CCM2: variants seen among roughly 807,000 people sequenced by gnomAD.
CCM2 encodes cerebral cavernous malformations 2 protein.
In CCM2, 25 loss-of-function variants were observed where a neutral mutation model predicts 44.9. The ratio of observed to expected loss-of-function variants is 0.56; its 90% CI spans 0.41 to 0.78. CCM2 has a LOEUF of 0.78. Ranked by LOEUF, CCM2 falls within the 30% of genes least tolerant of loss-of-function variation. The pLI, the probability that CCM2 is intolerant of heterozygous loss-of-function variation, is 0.00. For missense variants in CCM2, 481 were observed against 580.6 expected, an observed-to-expected ratio of 0.83 and a Z score of 1.76; for synonymous variants, 219 against 241.1, an observed-to-expected ratio of 0.91 and a Z score of 0.85.
chr7:45,073,502 C>G lies in CCM2; in HGVS notation c.846C>G (p.His282Gln), dbSNP rs1380870131. The change falls in exon 8 of 10, where the codon CAC becomes CAG. Residue 282 changes from histidine to glutamine, a missense_variant. Coordinates refer to ENST00000258781, the MANE Select transcript of CCM2 (RefSeq NM_031443.4). The stretch of plus-strand genomic sequence containing the variant: ...TGGATGTGGGTGGTGCATCACCCCA[C>G]AGCAAGACCATCAGTGAGAGCGAGC... The part of the protein sequence containing the change: ...ESVDVGGASP[H>Q]SKTISESELS... 2 of 1,613,316 alleles carry G rather than the reference C, an allele frequency of 1.2e-6. No homozygotes were observed. The highest frequency in any genetic ancestry group is 1.7e-6 in the Non-Finnish European group (2 of 1,180,016).
At chr7:45,044,164 C>T (rs946608808) in intron 2 of CCM2, among the ~76,000 whole-genome samples, 4 of 152,150 alleles carry the variant, frequency 2.6e-5, no homozygotes, top group East Asian at 1.9e-4. Flanking sequence ...GATGGAGTCT[C>T]GCTCTGTCGC....
intron 2 of CCM2, 44 bp from the exon 3 acceptor site, chr7:45,063,874 C>T (rs761646429): frequency 2.3e-6 from 3 of 1,328,500 alleles, no homozygotes; most frequent in Admixed American, 1.7e-5. Flanking sequence ...GGTGTTGGCT[C>T]AGCTCCCATT....
chr7:45,028,523 G>A (rs112805045), intron 1 of CCM2, among the ~76,000 whole-genome samples: 6,098 of 152,092 alleles, frequency 0.04, 165 homozygotes, highest in Middle Eastern at 0.058. Context: ...CGGGTGTGGC[G>A]GCACGCACCT....
intron 2 of CCM2, among the ~76,000 whole-genome samples, chr7:45,044,238 G>A (rs1797648541): frequency 6.6e-6 from 1 of 152,180 alleles, no homozygotes; most frequent in South Asian, 2.1e-4. Context: ...GGTTCACGCT[G>A]TTCTCCTGCT....
chr7:45,002,456 C>T (rs1045777569), intron 1 of CCM2, among the ~76,000 whole-genome samples: 2 of 151,862 alleles, frequency 1.3e-5, no homozygotes, highest in Non-Finnish European at 2.9e-5. Flanking sequence ...ATAGTCTCAG[C>T]TACTTGGGAG....
chr7:45,042,516 A>G (rs75170446), intron 2 of CCM2, among the ~76,000 whole-genome samples: 2 of 151,968 alleles, frequency 1.3e-5, no homozygotes. Flanking sequence ...GACAACAACA[A>G]CAAAAAATCT....
intron 2 of CCM2, among the ~76,000 whole-genome samples, chr7:45,054,919 C>T (rs559858035): frequency 3.3e-5 from 5 of 152,266 alleles, no homozygotes; most frequent in Admixed American, 3.3e-4. Context: ...CATACCGTAT[C>T]CTATTCAGAT....
In CCM2 at chr7:45,075,935, G is replaced by T; in HGVS notation, c.1213G>T (p.Ala405Ser). The T allele has an allele frequency of 5.0e-6, 8 of 1,613,222 alleles. No homozygotes were observed. Among genetic ancestry groups the T allele is most frequent in the Non-Finnish European group, 6.8e-6 (8 of 1,180,030 alleles). ...TSSSTTNGNR[A>S]TGSSDDRSAP... is the part of the protein sequence containing the mutation. The stretch of plus-strand genomic sequence containing the variant: ...CAGTTCCACCACCAATGGGAACAGG[G>T]CCACGGGCAGCTCTGATGACCGGTC... Residue 405 changes from alanine to serine, a missense_variant, in exon 10 of 10, where the codon GCC (alanine) becomes TCC (serine). By Grantham distance (99) the Ala-to-Ser change is moderately conservative. Coordinates refer to ENST00000258781, the MANE Select transcript of CCM2 (RefSeq NM_031443.4).
intron 1 of CCM2, among the ~76,000 whole-genome samples, chr7:45,016,300 A>G (rs79646192): frequency 0.021 from 3,274 of 152,316 alleles, 121 homozygotes; most frequent in African/African-American, 0.074. Flanking sequence ...GTCCTGATGC[A>G]TGTGTACTGA....
At chr7:45,013,001 G>T (rs1270581097) in intron 1 of CCM2, among the ~76,000 whole-genome samples, 1 of 152,028 alleles carries the variant, frequency 6.6e-6, no homozygotes, top group South Asian at 2.1e-4. Flanking sequence ...TTACATAATT[G>T]ATGTCATTAT....
intron 1 of CCM2, among the ~76,000 whole-genome samples, chr7:45,015,516 T>A (rs6951022): frequency 0.87 from 131,864 of 152,178 alleles, 57,442 homozygotes; most frequent in African/African-American, 0.96. Context: ...GAGGTGAGGA[T>A]GAAAAAAGGG....
intron 2 of CCM2, among the ~76,000 whole-genome samples, chr7:45,053,560 C>T (rs558334946): frequency 6.6e-6 from 1 of 152,304 alleles, no homozygotes; most frequent in African/African-American, 2.4e-5. Flanking sequence ...ACTATTTTGA[C>T]TTTGCTGCCT....
intron 1 of CCM2, among the ~76,000 whole-genome samples, chr7:45,032,175 T>G (rs1796999719): frequency 6.6e-6 from 1 of 152,174 alleles, no homozygotes; most frequent in South Asian, 2.1e-4. Flanking sequence ...CTAGGAAGGC[T>G]TACCCATCAA....
intron 2 of CCM2, among the ~76,000 whole-genome samples, chr7:45,047,512 G>A (rs1200580620): frequency 6.6e-6 from 1 of 152,170 alleles, no homozygotes; most frequent in Non-Finnish European, 1.5e-5. Flanking sequence ...GCTCCATCCT[G>A]GATGACAGTG....
chr7:45,023,076 C>T (rs376010271), intron 1 of CCM2, among the ~76,000 whole-genome samples: 2 of 152,020 alleles, frequency 1.3e-5, no homozygotes, highest in Non-Finnish European at 1.5e-5. Flanking sequence ...ACCCAAAAAG[C>T]GTACATTGTA....
rs754030131 is a variant in CCM2 at position 45,069,850 on chromosome 7, C to G, written c.634C>G (p.Leu212Val). Residue 212 changes from leucine (L) to valine (V), a missense_variant, in exon 6 of 10, where the codon CTG (leucine) becomes GTG (valine). Physicochemically the swap from Leu to Val is conservative, Grantham distance 32. Transcript: ENST00000258781. ...SKVAAEELCC[L>V]LGQVFQVVYT... Reference sequence around the variant, plus strand: ...GGTCGCTGCGGAGGAGCTTTGCTGTCTGCTAGGCCAGGTCTTCCAGGTTGT... The same window carrying G: ...GGTCGCTGCGGAGGAGCTTTGCTGTGTGCTAGGCCAGGTCTTCCAGGTTGT... 8.1e-6 allele frequency: 13 copies of G among 1,614,106 alleles called. No homozygotes were observed. Among genetic ancestry groups the G allele is most frequent in the Non-Finnish European group, 9.3e-6 (11 of 1,180,050 alleles).
chr7:45,023,801 T>G (rs1396857988), intron 1 of CCM2, among the ~76,000 whole-genome samples: 11 of 133,296 alleles, frequency 8.3e-5, no homozygotes, highest in African/African-American at 2.2e-4. Flanking sequence ...TTTTTTTTTT[T>G]TTTTTTTTTT....
At position 45,009,113 on chromosome 7, in the gene CCM2, C is replaced by A. The variant is rs571224056; in HGVS notation, c.30+8750C>A. Among the ~76,000 whole-genome samples the A allele has an allele frequency of 9.9e-5, 15 of 151,946 alleles. No homozygotes were observed. In the South Asian group the frequency reaches 2.3e-3, roughly 23 times the overall value. ...GATCAGAAGTTCAAGACCAGCCTGG[C>A]CAACATGGCGAAATGCTATCTCTAC... On this transcript the variant is annotated intron_variant, in intron 1 of 9. Coordinates refer to ENST00000258781, the MANE Select transcript of CCM2 (RefSeq NM_031443.4).
chr7:45,070,094 AC>A (rs1798989684), intron 6 of CCM2, 133 bp downstream of exon 6: 2 of 1,187,316 alleles, frequency 1.7e-6, no homozygotes, highest in Non-Finnish European at 2.4e-6. Flanking sequence ...TTGTTTCCAG[AC>A]TTTGCTGTTC....
Sources: allele counts gnomAD v4.1 joint callset (sites outside exome capture counted in the v4.1 genomes callset), GRCh38; gene constraint gnomAD v4.1.1; transcripts MANE v1.5; gene names NCBI Gene and HGNC (gene_info 2026-07-23, HGNC 2026-07-21).